Variants in TDRP observed in about 807,000 individuals in gnomAD.
TDRP encodes testis development-related protein.
TDRP carries 12 observed loss-of-function variants against 10.5 expected under a neutral mutation model. That is an observed-to-expected ratio of 1.15 (90% CI 0.73 to 1.86). The LOEUF is 1.86. Ranked by LOEUF, TDRP falls within the 40% of genes most tolerant of loss-of-function variation. TDRP has a pLI of 0.00. For synonymous variants in TDRP, 139 were observed against 95.4 expected, an observed-to-expected ratio of 1.46 and a Z score of -2.67; for missense variants, 353 against 229.2, an observed-to-expected ratio of 1.54 and a Z score of -3.49.
chr8:498,979 A>G (rs1396553951), intron 1 of TDRP, among the ~76,000 whole-genome samples: 1 of 152,196 alleles, frequency 6.6e-6, no homozygotes, highest in East Asian at 1.9e-4. Context: ...CCCCAGCCAC[A>G]TGGAACTGTG....
At chr8:534,763 A>T (rs1802300959) in intron 1 of TDRP, among the ~76,000 whole-genome samples, 1 of 152,244 alleles carries the variant, frequency 6.6e-6, no homozygotes, top group South Asian at 2.1e-4. Flanking sequence ...TTTGCGGATT[A>T]CAAATAAATT....
rs569237488 is a variant in TDRP, at chr8:514,883, C to T, written c.109-20286G>A. Among the ~76,000 whole-genome samples the T allele has an allele frequency of 7.2e-5, 11 of 152,192 alleles. No individual in the cohort carries two copies. In the East Asian group the frequency reaches 1.4e-3, roughly 19 times the overall value. On this transcript the variant is annotated intron_variant, in intron 1 of 2. Coordinates refer to ENST00000324079, the MANE Select transcript of TDRP (RefSeq NM_001384899.1). ...CAACAGGCAGGAGAGTTTTCTTTCA[C>T]GGGGAGGGCTACTTTAAAATTAAGA...
Position 492,738 on chromosome 8 carries a change from G to C in TDRP, c.219C>G (p.Asn73Lys), listed in dbSNP as rs1225612888. The change falls in exon 3 of 3, where the codon AAC becomes AAG. Residue 73 changes from asparagine (N) to lysine (K), a missense_variant. Transcript: ENST00000324079. ...CCTTCAACTCTTCTTTTAATCGTAA[G>C]TTAGTTCTATAGGAGATGAAAGAGT... ...RCKSPKSKGT[N>K]LRLKEELKAE... is the part of the protein sequence containing the mutation. The C allele has an allele frequency of 6.2e-7, 1 of 1,610,140 alleles. No individual in the cohort carries two copies. The highest frequency in any genetic ancestry group is 2.2e-5 in the East Asian group (1 of 44,864).
At chr8:531,700 G>A (rs1484124600) in intron 1 of TDRP, among the ~76,000 whole-genome samples, 1 of 152,000 alleles carries the variant, frequency 6.6e-6, no homozygotes, top group East Asian at 1.9e-4. Context: ...TATACTGTGG[G>A]GACAAAACTT....
intron 1 of TDRP, among the ~76,000 whole-genome samples, chr8:499,679 G>A (rs1257464870): frequency 1.3e-5 from 2 of 152,234 alleles, no homozygotes; most frequent in African/African-American, 4.8e-5. Context: ...CACTATGCGG[G>A]CAGAAAGAAT....
At chr8:504,546 T>C (rs1277012706) in intron 1 of TDRP, among the ~76,000 whole-genome samples, 2 of 152,184 alleles carry the variant, frequency 1.3e-5, no homozygotes, top group African/African-American at 2.4e-5. Flanking sequence ...AGAGGCAGAC[T>C]CTGGGCTCTG....
At chr8:493,130 G>C (rs979771455) in intron 2 of TDRP, among the ~76,000 whole-genome samples, 1 of 152,156 alleles carries the variant, frequency 6.6e-6, no homozygotes, top group Non-Finnish European at 1.5e-5. Flanking sequence ...TATCAAATAG[G>C]TTTTCAATTG....
intron 1 of TDRP, among the ~76,000 whole-genome samples, chr8:522,914 AT>A (rs1801944331): frequency 6.6e-6 from 1 of 152,298 alleles, no homozygotes; most frequent in African/African-American, 2.4e-5. Context: ...GTGTATCCTT[AT>A]ATCTAAAGTG....
chr8:500,828 A>G (rs1331075703), intron 1 of TDRP, among the ~76,000 whole-genome samples: 1 of 152,200 alleles, frequency 6.6e-6, no homozygotes, highest in Non-Finnish European at 1.5e-5. Context: ...AGTGACACCT[A>G]AGACCAACCC....
At chr8:526,610 TTTAA>T (rs1183600397) in intron 1 of TDRP, among the ~76,000 whole-genome samples, 1 of 152,214 alleles carries the variant, frequency 6.6e-6, no homozygotes, top group Admixed American at 6.5e-5. Flanking sequence ...TTTGCCAGTA[TTTAA>T]TTGAGAATTT....
chr8:512,829 GGGCATGGT>G (rs200730622), intron 1 of TDRP, among the ~76,000 whole-genome samples: 1,946 of 152,118 alleles, frequency 0.013, 49 homozygotes, highest in African/African-American at 0.045. Context: ...AAAATTAGCT[GGGCATGGT>G]GGCATGTGCC....
At chr8:512,241 G>C (rs1801638529) in intron 1 of TDRP, among the ~76,000 whole-genome samples, 1 of 151,048 alleles carries the variant, frequency 6.6e-6, no homozygotes, top group Non-Finnish European at 1.5e-5. Context: ...GGCCAACACA[G>C]TGAAACCCCT....
chr8:534,240 T>C (rs1029396489), intron 1 of TDRP, among the ~76,000 whole-genome samples: 3 of 152,224 alleles, frequency 2.0e-5, no homozygotes, highest in African/African-American at 7.2e-5. Flanking sequence ...GAATATAAAA[T>C]ACAGTTTAAT....
At chr8:508,059 C>G (rs1252994591) in intron 1 of TDRP, among the ~76,000 whole-genome samples, 6 of 151,964 alleles carry the variant, frequency 3.9e-5, no homozygotes, top group African/African-American at 1.5e-4. Context: ...AAGAAGACTT[C>G]AAAGAACCAT....
chr8:537,297 G>C (rs1421988027), intron 1 of TDRP, among the ~76,000 whole-genome samples: 1 of 152,200 alleles, frequency 6.6e-6, no homozygotes, highest in East Asian at 1.9e-4. Context: ...TCGCACAAGT[G>C]AGAAGTGCCT....
intron 1 of TDRP, among the ~76,000 whole-genome samples, chr8:519,375 G>T (rs1049514795): frequency 6.6e-6 from 1 of 152,124 alleles, no homozygotes; most frequent in African/African-American, 2.4e-5. Context: ...GGACATGACA[G>T]AGAGTCATGG....
chr8:508,967 G>A (rs1031862446), intron 1 of TDRP, among the ~76,000 whole-genome samples: 1 of 152,204 alleles, frequency 6.6e-6, no homozygotes, highest in Non-Finnish European at 1.5e-5. Flanking sequence ...AGGGGCTACA[G>A]GCCCCATGCA....
At chr8:521,930 C>G (rs1290052985) in intron 1 of TDRP, among the ~76,000 whole-genome samples, 5 of 151,476 alleles carry the variant, frequency 3.3e-5, no homozygotes, top group Non-Finnish European at 7.4e-5. Flanking sequence ...AGTCTTTCAC[C>G]TCCTTCATTA....
intron 1 of TDRP, among the ~76,000 whole-genome samples, chr8:527,433 C>G (rs933444470): frequency 1.3e-5 from 2 of 151,936 alleles, no homozygotes; most frequent in African/African-American, 4.8e-5. Flanking sequence ...TATATGGAAT[C>G]ACAAAAGACC....
Sources: allele counts gnomAD v4.1 joint callset (sites outside exome capture counted in the v4.1 genomes callset), GRCh38; gene constraint gnomAD v4.1.1; transcripts MANE v1.5; gene names NCBI Gene and HGNC (gene_info 2026-07-23, HGNC 2026-07-21).